KIAA1217: variants seen among roughly 807,000 people sequenced by gnomAD.
KIAA1217 encodes the protein sickle tail protein homolog.
A neutral mutation model predicts 163.9 loss-of-function variants in KIAA1217; 88 were observed. The observed-to-expected ratio is 0.54, with a 90% CI of 0.45 to 0.64. The LOEUF (loss-of-function observed/expected upper bound fraction) is 0.64, where lower values mean the gene tolerates loss of function less well. Ranked by LOEUF, KIAA1217 falls within the 30% of genes least tolerant of loss-of-function variation. The pLI is 0.00. For synonymous variants in KIAA1217, 903 were observed against 923.1 expected, an observed-to-expected ratio of 0.98 and a Z score of 0.39; for missense variants, 2,372 against 2,475.0, an observed-to-expected ratio of 0.96 and a Z score of 0.88.
chr10:24,436,339 G>A (rs1462828786), intron 4 of KIAA1217, among the ~76,000 whole-genome samples: 4 of 152,092 alleles, frequency 2.6e-5, no homozygotes, highest in Admixed American at 2.6e-4. Context: ...TAATGTTTAT[G>A]CTATGTGAGC....
intron 2 of KIAA1217, among the ~76,000 whole-genome samples, chr10:24,015,754 CA>C (rs3072771): frequency 0.28 from 33,919 of 120,746 alleles, 4,166 homozygotes; most frequent in Middle Eastern, 0.49. Context: ...GACTCTGACT[CA>C]AAAAAAAAAA....
At chr10:24,127,817 A>G (rs1486200614) in intron 2 of KIAA1217, among the ~76,000 whole-genome samples, 1 of 152,156 alleles carries the variant, frequency 6.6e-6, no homozygotes, top group African/African-American at 2.4e-5. Flanking sequence ...CACAATACCC[A>G]CTGTTGGAAA....
At chr10:23,856,376 T>C (rs1282976070) in intron 1 of KIAA1217, among the ~76,000 whole-genome samples, 1 of 152,202 alleles carries the variant, frequency 6.6e-6, no homozygotes, top group African/African-American at 2.4e-5. Context: ...CTGGAAGTTT[T>C]GTCTCAGAAG....
intron 5 of KIAA1217, among the ~76,000 whole-genome samples, chr10:24,442,134 T>C (rs565727167): frequency 6.6e-6 from 1 of 152,250 alleles, no homozygotes; most frequent in African/African-American, 2.4e-5. Flanking sequence ...CCTCTTAAAT[T>C]ATTCCCCAAT....
At chr10:23,743,969 A>G (rs188020985) in intron 1 of KIAA1217, among the ~76,000 whole-genome samples, 4 of 152,306 alleles carry the variant, frequency 2.6e-5, no homozygotes, top group South Asian at 2.1e-4. Flanking sequence ...GGGATCAGGA[A>G]AGACTTCAGA....
chr10:23,742,801 A>G (rs992307809), intron 1 of KIAA1217, among the ~76,000 whole-genome samples: 5 of 152,228 alleles, frequency 3.3e-5, no homozygotes, highest in Non-Finnish European at 7.3e-5. Context: ...TGACTCTATC[A>G]AACACTGATG....
chr10:23,939,734 G>A lies in KIAA1217; in HGVS notation c.-320-67491G>A, dbSNP rs187362060. 2.0e-4 allele frequency among the ~76,000 whole-genome samples: 31 copies of A among 151,510 alleles called. No individual in the cohort carries two copies. The East Asian group carries it at 2.3e-3, about 11-fold the overall frequency. On this transcript the variant is annotated intron_variant, in intron 1 of 18. Transcript: ENST00000376462. ...TAGACAGAGAATCATCAAGTATATA[G>A]AAGACTTAAACAAGACTTCAACTAA...
intron 1 of KIAA1217, among the ~76,000 whole-genome samples, chr10:23,975,957 G>T (rs2131402011): frequency 1.3e-5 from 2 of 152,218 alleles, no homozygotes; most frequent in Non-Finnish European, 2.9e-5. Context: ...AACTCTAGGA[G>T]CTCACTAGTC....
intron 2 of KIAA1217, among the ~76,000 whole-genome samples, chr10:24,019,226 G>A (rs1460854311): frequency 6.6e-6 from 1 of 152,014 alleles, no homozygotes; most frequent in Non-Finnish European, 1.5e-5. Context: ...TGATAAGTAG[G>A]TGAGCTGATG....
intron 2 of KIAA1217, among the ~76,000 whole-genome samples, chr10:24,070,745 A>G (rs2061155508): frequency 1.3e-5 from 2 of 152,160 alleles, no homozygotes; most frequent in African/African-American, 2.4e-5. Flanking sequence ...AGTGTTTTCA[A>G]CTCACTTTCA....
At chr10:24,161,427 T>G (rs1405174525) in intron 2 of KIAA1217, among the ~76,000 whole-genome samples, 5 of 152,194 alleles carry the variant, frequency 3.3e-5, no homozygotes, top group African/African-American at 1.2e-4. Context: ...GATGATCTGG[T>G]CCAACCTTCA....
In KIAA1217 at chr10:23,992,044, A is replaced by G. The variant is rs1846239884; in HGVS notation, c.-320-15181A>G. Among the ~76,000 whole-genome samples, 4 of 152,146 alleles carry G rather than the reference A, an allele frequency of 2.6e-5. No homozygotes were observed. In the South Asian group the frequency reaches 8.3e-4, roughly 31 times the overall value. On this transcript the variant is annotated intron_variant, in intron 1 of 18. Transcript: ENST00000376462. Reference sequence around the variant, plus strand: ...GACATGATTACCTGGTTGCCCCCCAAAACGCATCATTTTATGGGCTCTCTT... The same window carrying G: ...GACATGATTACCTGGTTGCCCCCCAGAACGCATCATTTTATGGGCTCTCTT...
chr10:24,528,140 A>AG, intron 14 of KIAA1217, 21 bp downstream of exon 14: 1 of 1,611,680 alleles, frequency 6.2e-7, no homozygotes, highest in Non-Finnish European at 8.5e-7. Flanking sequence ...GTCCCACAGC[A>AG]GGAATATATG....
intron 2 of KIAA1217, among the ~76,000 whole-genome samples, chr10:24,289,425 T>C (rs1012590496): frequency 1.3e-5 from 2 of 152,024 alleles, no homozygotes; most frequent in African/African-American, 2.4e-5. Context: ...TTGCTTTTAA[T>C]AGGGGAAAGA....
In KIAA1217 at chr10:24,543,326, C is replaced by CTCT; in HGVS notation, c.4056_4057insTCT (p.Pro1352_Lys1353insSer). ...ATTTTGGCCAAGTTGTTCTAAGACC[C>CTCT]AAGGAGGCAAGGCATGCTAACGTGA... is the stretch of plus-strand genomic sequence containing the variant. On this transcript the variant is annotated inframe_insertion, in exon 19 of 21. Transcript: ENST00000376454. 1 of 1,614,030 alleles carries CTCT rather than the reference C, an allele frequency of 6.2e-7. No individual in the cohort carries two copies. The highest frequency in any genetic ancestry group is 8.5e-7 in the Non-Finnish European group (1 of 1,179,998).
At chr10:23,860,059 A>G (rs1839881288) in intron 1 of KIAA1217, among the ~76,000 whole-genome samples, 1 of 152,060 alleles carries the variant, frequency 6.6e-6, no homozygotes, top group Non-Finnish European at 1.5e-5. Flanking sequence ...GAGCAGGAAT[A>G]TTGATGTGCC....
intron 2 of KIAA1217, among the ~76,000 whole-genome samples, chr10:24,161,588 G>T (rs369653453): frequency 2.0e-5 from 3 of 152,302 alleles, no homozygotes; most frequent in East Asian, 1.9e-4. Flanking sequence ...AGTTGAGAAG[G>T]TATAAAGATA....
At position 24,282,707 on chromosome 10, in the gene KIAA1217, G is replaced by A. The variant is rs183554494; in HGVS notation, c.354+62798G>A. On this transcript the variant is annotated intron_variant, in intron 2 of 20. Transcript: ENST00000376454. ...TTGTTGTTTTGTGGCTCTTCTTTATGGCACTGAAAGATACTCCAGGCTCAT... is the reference window on the plus strand; with the variant it reads ...TTGTTGTTTTGTGGCTCTTCTTTATAGCACTGAAAGATACTCCAGGCTCAT... Among the ~76,000 whole-genome samples the A allele has an allele frequency of 2.7e-4, 41 of 151,448 alleles. No homozygotes were observed. In the East Asian group the frequency reaches 6.8e-3, roughly 25 times the overall value.
At chr10:23,836,978 C>G (rs992696753) in intron 1 of KIAA1217, among the ~76,000 whole-genome samples, 16 of 151,850 alleles carry the variant, frequency 1.1e-4, no homozygotes, top group African/African-American at 3.6e-4. Context: ...ACATTGTGCC[C>G]ATGAAGTAAT....
Sources: allele counts gnomAD v4.1 joint callset (sites outside exome capture counted in the v4.1 genomes callset), GRCh38; gene constraint gnomAD v4.1.1; transcripts MANE v1.5; gene names NCBI Gene and HGNC (gene_info 2026-07-23, HGNC 2026-07-21).